The following SYN3 variants were observed in gnomAD, a reference collection of about 807,000 sequenced individuals.
SYN3 encodes synapsin III, also known as synapsin-3.
SYN3 carries 35 observed loss-of-function variants against 65.8 expected under a neutral mutation model. That is an observed-to-expected ratio of 0.53 (90% confidence interval 0.41 to 0.70). The LOEUF (loss-of-function observed/expected upper bound fraction) is 0.70, where lower values mean the gene tolerates loss of function less well. SYN3 is among the 30% of genes least tolerant of loss of function. SYN3 has a pLI of 0.00. For missense variants in SYN3, 680 were observed against 749.0 expected (o/e 0.91, Z 1.08); for synonymous variants, 270 against 292.9 (o/e 0.92, Z 0.80).
intron 4 of SYN3, among the ~76,000 whole-genome samples, chr22:32,880,894 C>T (rs191931048): frequency 3.2e-4 from 48 of 152,362 alleles, no homozygotes; most frequent in Admixed American, 2.6e-3. Flanking sequence ...ATGGCAATTG[C>T]ACCCAGGGGC....
At chr22:32,921,416 G>C (rs1276639839) in intron 4 of SYN3, among the ~76,000 whole-genome samples, 4 of 152,190 alleles carry the variant, frequency 2.6e-5, no homozygotes, top group Non-Finnish European at 5.9e-5. Flanking sequence ...CCCTGAATGA[G>C]CTGTAGCTTC....
chr22:33,007,561 G>A (rs994236498), intron 1 of SYN3, among the ~76,000 whole-genome samples: 1 of 152,120 alleles, frequency 6.6e-6, no homozygotes, highest in African/African-American at 2.4e-5. Flanking sequence ...CCCACGCGAT[G>A]GAAGTACAGC....
intron 6 of SYN3, among the ~76,000 whole-genome samples, chr22:32,853,435 C>T (rs879416220): frequency 2.6e-5 from 4 of 152,228 alleles, no homozygotes; most frequent in Non-Finnish European, 5.9e-5. Context: ...TGAGGCAACT[C>T]ATGCTGTCAA....
intron 1 of SYN3, among the ~76,000 whole-genome samples, chr22:33,045,540 T>G (rs2054047348): frequency 7.4e-6 from 1 of 135,610 alleles, no homozygotes; most frequent in Admixed American, 8.5e-5. Flanking sequence ...TGATCTCAGC[T>G]CACTGCAAGC....
rs10427788 is a variant in SYN3, at chr22:32,509,713, C to T, written c.*3979G>A. Among the ~76,000 whole-genome samples the T allele has an allele frequency of 0.13, 19,960 of 151,836 alleles. 4,185 individuals are homozygous for T. Among genetic ancestry groups the T allele is most frequent in the African/African-American group, 0.44 (18,277 of 41,290 alleles). On this transcript the variant is annotated 3_prime_UTR_variant, in exon 14 of 14. Coordinates refer to ENST00000358763, the MANE Select transcript of SYN3 (RefSeq NM_003490.4). ...CCTCCCTAGTAGCTGGGACTACAGG[C>T]GCCCGCTACCACGCCCGGCTAATTT...
intron 9 of SYN3, 137 bp from the exon 10 acceptor site, chr22:32,534,032 C>T: frequency 1.6e-6 from 1 of 607,548 alleles, no homozygotes; most frequent in South Asian, 1.9e-5. Context: ...TGGAGAGAGA[C>T]AGAGAAGCAG....
intron 6 of SYN3, among the ~76,000 whole-genome samples, chr22:32,613,671 A>G (rs894328685): frequency 1.3e-5 from 2 of 152,204 alleles, no homozygotes; most frequent in African/African-American, 2.4e-5. Flanking sequence ...AGGCACACAG[A>G]TTGCCGAGAG....
intron 1 of SYN3, among the ~76,000 whole-genome samples, chr22:33,040,284 C>A (rs1372564384): frequency 6.6e-6 from 1 of 152,074 alleles, no homozygotes; most frequent in East Asian, 1.9e-4. Flanking sequence ...GGGATCCTAC[C>A]AAATTCACCT....
chr22:32,985,380 A>G (rs2052493795), intron 2 of SYN3, among the ~76,000 whole-genome samples: 1 of 152,054 alleles, frequency 6.6e-6, no homozygotes, highest in African/African-American at 2.4e-5. Flanking sequence ...CAGAATTATG[A>G]CTCACCTTGC....
At chr22:32,724,972 T>C (rs1735356512) in intron 6 of SYN3, among the ~76,000 whole-genome samples, 1 of 152,040 alleles carries the variant, frequency 6.6e-6, no homozygotes, top group African/African-American at 2.4e-5. Flanking sequence ...TACAAAAAAT[T>C]AGCCAAGTGT....
chr22:32,854,355 T>C (rs1022057378), intron 6 of SYN3, among the ~76,000 whole-genome samples: 2 of 152,062 alleles, frequency 1.3e-5, no homozygotes, highest in African/African-American at 2.4e-5. Flanking sequence ...TTTCGATGAG[T>C]TGAGTTCTTA....
chr22:32,855,502 C>A (rs2048338414), intron 6 of SYN3, among the ~76,000 whole-genome samples: 1 of 152,160 alleles, frequency 6.6e-6, no homozygotes, highest in South Asian at 2.1e-4. Context: ...CCTAGCCCTG[C>A]CATTTCCCAA....
At chr22:32,577,445 G>T (rs929835211) in intron 7 of SYN3, among the ~76,000 whole-genome samples, 1 of 152,156 alleles carries the variant, frequency 6.6e-6, no homozygotes. Context: ...CCCTTGGGAG[G>T]CCCAATGTCC....
chr22:32,945,420 G>T (rs567434358), intron 3 of SYN3, among the ~76,000 whole-genome samples: 1,663 of 152,140 alleles, frequency 0.011, 17 homozygotes, highest in Middle Eastern at 0.037. Flanking sequence ...TGACAAACCT[G>T]ACAAAAACAA....
intron 6 of SYN3, among the ~76,000 whole-genome samples, chr22:32,646,153 A>T (rs2059980979): frequency 6.6e-6 from 1 of 152,180 alleles, no homozygotes; most frequent in South Asian, 2.1e-4. Context: ...CAGGAAGAGC[A>T]CAGAGCAGTG....
chr22:32,557,990 C>T (rs564645665), intron 7 of SYN3, among the ~76,000 whole-genome samples: 1 of 152,326 alleles, frequency 6.6e-6, no homozygotes, highest in African/African-American at 2.4e-5. Context: ...ATCTCTTCTT[C>T]TCACCAAGAA....
At chr22:33,007,797 A>G (rs2053234752) in intron 1 of SYN3, among the ~76,000 whole-genome samples, 1 of 152,260 alleles carries the variant, frequency 6.6e-6, no homozygotes. Context: ...GATAATATAC[A>G]CATCTATTGC....
chr22:32,847,460 A>G (rs917333897), intron 6 of SYN3, among the ~76,000 whole-genome samples: 2 of 152,206 alleles, frequency 1.3e-5, no homozygotes, highest in Non-Finnish European at 2.9e-5. Flanking sequence ...GTGTTTTGCC[A>G]TCGCCGGCAG....
At chr22:32,997,328 A>G (rs1407041290) in intron 2 of SYN3, among the ~76,000 whole-genome samples, 1 of 152,212 alleles carries the variant, frequency 6.6e-6, no homozygotes. Flanking sequence ...ACACGACCCC[A>G]TCCTCAAAGA....
Sources: allele counts gnomAD v4.1 joint callset (sites outside exome capture counted in the v4.1 genomes callset), GRCh38; gene constraint gnomAD v4.1.1; transcripts MANE v1.5; gene names NCBI Gene and HGNC (gene_info 2026-07-23, HGNC 2026-07-21).